Variants in SFMBT1 observed in about 807,000 individuals in gnomAD.
The protein encoded by SFMBT1 is Scm like with four mbt domains 1.
SFMBT1 carries 32 observed loss-of-function variants against 108.7 expected under a neutral mutation model. The observed-to-expected ratio is 0.29, with a 90% CI of 0.22 to 0.40. SFMBT1 has a LOEUF of 0.40. SFMBT1 is among the 10% of genes least tolerant of loss of function. SFMBT1 has a pLI of 1.00. For synonymous variants in SFMBT1, 348 were observed against 369.5 expected (o/e 0.94, Z 0.67); for missense variants, 816 against 1,059.6 (o/e 0.77, Z 3.19).
At chr3:52,937,152 T>C (rs1197292289) in intron 4 of SFMBT1, among the ~76,000 whole-genome samples, 1 of 152,110 alleles carries the variant, frequency 6.6e-6, no homozygotes, top group African/African-American at 2.4e-5. Flanking sequence ...CACATTTCAT[T>C]CTTTATTTGC....
intron 5 of SFMBT1, among the ~76,000 whole-genome samples, chr3:52,933,236 A>T (rs967111237): frequency 2.0e-5 from 3 of 152,208 alleles, no homozygotes; most frequent in Non-Finnish European, 4.4e-5. Flanking sequence ...GATATTTTAC[A>T]TTGTAAATGG....
At chr3:53,033,682 C>T (rs1361105745) in intron 1 of SFMBT1, among the ~76,000 whole-genome samples, 1 of 151,568 alleles carries the variant, frequency 6.6e-6, no homozygotes, top group Non-Finnish European at 1.5e-5. Context: ...CATACCTCAC[C>T]CTCTAAACTC....
At chr3:53,024,833 G>A (rs1409367770) in intron 1 of SFMBT1, among the ~76,000 whole-genome samples, 2 of 152,034 alleles carry the variant, frequency 1.3e-5, no homozygotes, top group Non-Finnish European at 2.9e-5. Flanking sequence ...GAATATTATA[G>A]AATTATTTAA....
At chr3:52,961,089 C>T (rs1421921776) in intron 2 of SFMBT1, among the ~76,000 whole-genome samples, 1 of 152,184 alleles carries the variant, frequency 6.6e-6, no homozygotes, top group Admixed American at 6.5e-5. Context: ...GCAGTGATCA[C>T]ATCACTGCAC....
chr3:52,995,773 G>T (rs759962754), intron 1 of SFMBT1, among the ~76,000 whole-genome samples: 2 of 149,734 alleles, frequency 1.3e-5, no homozygotes, highest in African/African-American at 4.9e-5. Context: ...AGTTTAAAAC[G>T]TTTGCTCTTC....
At chr3:53,043,701 T>C (rs566216284) in intron 1 of SFMBT1, among the ~76,000 whole-genome samples, 36 of 152,332 alleles carry the variant, frequency 2.4e-4, no homozygotes, top group African/African-American at 7.7e-4. Context: ...ACCTGCAAAG[T>C]ATTGCCCCCA....
At chr3:52,980,121 T>C (rs1276462907) in intron 1 of SFMBT1, among the ~76,000 whole-genome samples, 1 of 152,204 alleles carries the variant, frequency 6.6e-6, no homozygotes, top group East Asian at 1.9e-4. Context: ...AATCTATTAT[T>C]AAAAGTTAAA....
intron 1 of SFMBT1, among the ~76,000 whole-genome samples, chr3:53,016,816 G>C (rs9867784): frequency 0.022 from 3,352 of 152,102 alleles, 128 homozygotes; most frequent in African/African-American, 0.077. Context: ...TTCCTTTACA[G>C]TTAGTGCTTT....
chr3:52,912,484 G>A, intron 16 of SFMBT1, 54 bp downstream of exon 16: 2 of 1,501,004 alleles, frequency 1.3e-6, no homozygotes, highest in Admixed American at 1.7e-5. Context: ...CGCCGATTCT[G>A]TGACTTTTTA....
At chr3:52,981,412 G>A (rs1281430918) in intron 1 of SFMBT1, among the ~76,000 whole-genome samples, 1 of 152,044 alleles carries the variant, frequency 6.6e-6, no homozygotes, top group Admixed American at 6.6e-5. Flanking sequence ...ACCCAGGCTG[G>A]AGTGCAATGG....
chr3:52,935,780 AC>A (rs1372512469), intron 4 of SFMBT1, among the ~76,000 whole-genome samples: 1 of 152,200 alleles, frequency 6.6e-6, no homozygotes, highest in African/African-American at 2.4e-5. Flanking sequence ...AGTGAGACGC[AC>A]GCATTGCAAA....
intron 16 of SFMBT1, 73 bp downstream of exon 16, chr3:52,912,465 A>G: frequency 1.5e-6 from 2 of 1,316,158 alleles, no homozygotes; most frequent in Non-Finnish European, 2.2e-6. Flanking sequence ...GGTGTGAGCC[A>G]CTGTGCCACG....
At chr3:52,938,352 GT>G (rs886931672) in intron 4 of SFMBT1, among the ~76,000 whole-genome samples, 3 of 151,846 alleles carry the variant, frequency 2.0e-5, no homozygotes, top group African/African-American at 7.3e-5. Flanking sequence ...TGTATATGTA[GT>G]TTTTTTTACT....
chr3:52,968,541 G>C (rs35737577), intron 2 of SFMBT1, among the ~76,000 whole-genome samples: 13,744 of 151,196 alleles, frequency 0.091, 644 homozygotes, highest in African/African-American at 0.099. Flanking sequence ...AAAATAACTA[G>C]AAAGTAATCA....
In SFMBT1 at chr3:52,905,243, G is replaced by A; in HGVS notation, c.2494C>T (p.Leu832Phe). 6.8e-6 allele frequency: 11 copies of A among 1,613,816 alleles called. No homozygotes were observed. The highest frequency in any genetic ancestry group is 9.3e-6 in the Non-Finnish European group (11 of 1,179,892). ...TCCATGCATTCTTGAACAGTGGGAAGGGTAAGGAGCAACAGGGCCTGCCCA... is the reference window on the plus strand; with the variant it reads ...TCCATGCATTCTTGAACAGTGGGAAAGGTAAGGAGCAACAGGGCCTGCCCA... The part of the protein sequence containing the change: ...IDGQALLLLT[L>F]PTVQECMDLK... The change falls in exon 21 of 21, where the codon CTT becomes TTT. Residue 832 changes from leucine to phenylalanine, a missense_variant. Transcript: ENST00000394752.
chr3:53,005,846 CAG>C (rs1559546529), intron 1 of SFMBT1, among the ~76,000 whole-genome samples: 1 of 152,092 alleles, frequency 6.6e-6, no homozygotes, highest in Non-Finnish European at 1.5e-5. Flanking sequence ...AATTGTAAGA[CAG>C]AGAGAGGGTG....
intron 5 of SFMBT1, among the ~76,000 whole-genome samples, chr3:52,933,251 T>A (rs998561252): frequency 6.6e-5 from 10 of 152,236 alleles, no homozygotes; most frequent in African/African-American, 2.2e-4. Flanking sequence ...AAATGGGCAA[T>A]AATTTATCCA....
At chr3:52,927,244 T>C (rs1483406894) in intron 9 of SFMBT1, among the ~76,000 whole-genome samples, 1 of 152,166 alleles carries the variant, frequency 6.6e-6, no homozygotes, top group Non-Finnish European at 1.5e-5. Flanking sequence ...TTTCCCCCTA[T>C]TTGCCCCTTG....
intron 2 of SFMBT1, among the ~76,000 whole-genome samples, chr3:52,960,947 G>C (rs1311262885): frequency 6.6e-6 from 1 of 152,182 alleles, no homozygotes; most frequent in African/African-American, 2.4e-5. Flanking sequence ...ACCAGCCTGA[G>C]CAACAGAGGG....
Sources: gnomAD v4.1 joint callset for allele counts (sites outside exome capture counted in the v4.1 genomes callset) on GRCh38, gnomAD v4.1.1 for gene constraint, MANE v1.5 for transcripts, NCBI Gene and HGNC (gene_info 2026-07-23, HGNC 2026-07-21) for gene names.